RAB33A: variants seen among roughly 807,000 people sequenced by gnomAD.
The protein encoded by RAB33A is ras-related protein Rab-33A.
Under a neutral mutation model 12.0 loss-of-function variants are expected in RAB33A, and 6 were observed. The observed-to-expected ratio is 0.50, with a 90% CI of 0.27 to 0.99. The LOEUF is 0.99. Among genes scored for constraint, RAB33A ranks in the 50% least tolerant of loss-of-function variants. RAB33A has a pLI of 0.11. For missense variants in RAB33A, 109 were observed against 192.0 expected, an observed-to-expected ratio of 0.57 and a Z score of 2.55; for synonymous variants, 70 against 82.4, an observed-to-expected ratio of 0.85 and a Z score of 0.81.
the RAB33A span, among the ~76,000 whole-genome samples, chrX:130,151,430 C>T: frequency 9.0e-6 from 1 of 111,242 alleles, no homozygotes; most frequent in African/African-American, 3.3e-5. Context: ...TGAGCCACCA[C>T]ACCCGGCCCC....
At chrX:130,124,595 G>C in the RAB33A span, among the ~76,000 whole-genome samples, 2 of 112,087 alleles carry the variant, frequency 1.8e-5, no homozygotes, top group Non-Finnish European at 1.9e-5. Context: ...GCCTGATAGT[G>C]GTCCTCCAGA....
At chrX:130,123,596 C>T in the RAB33A span, among the ~76,000 whole-genome samples, 190 of 102,507 alleles carry the variant, frequency 1.9e-3, no homozygotes, top group Non-Finnish European at 3.2e-3. Context: ...ATTCGGGAGG[C>T]TGAGGCAGGA....
the RAB33A span, among the ~76,000 whole-genome samples, chrX:130,132,948 T>C: frequency 2.7e-5 from 3 of 110,743 alleles, no homozygotes; most frequent in East Asian, 8.5e-4. Flanking sequence ...GGTTTCACCA[T>C]GTTGGTCAGG....
the RAB33A span, among the ~76,000 whole-genome samples, chrX:130,157,150 T>C: frequency 8.9e-6 from 1 of 111,811 alleles, no homozygotes; most frequent in Non-Finnish European, 1.9e-5. Flanking sequence ...AATGAGTTTC[T>C]CTCCCCCAAA....
At chrX:130,158,740 A>C in the RAB33A span, among the ~76,000 whole-genome samples, 1 of 108,914 alleles carries the variant, frequency 9.2e-6, no homozygotes, top group African/African-American at 3.4e-5. Flanking sequence ...AAATCGCAAA[A>C]AAATCTCATA....
chrX:130,134,398 T>G, the RAB33A span, among the ~76,000 whole-genome samples: 1 of 111,494 alleles, frequency 9.0e-6, no homozygotes, highest in East Asian at 2.8e-4. Flanking sequence ...GAAACCAGTT[T>G]TTGGATGTGA....
At chrX:130,139,973 C>T in the RAB33A span, 6 of 712,862 alleles carry the variant, frequency 8.4e-6, no homozygotes, top group Non-Finnish European at 1.3e-5. Context: ...CACTTAGCAC[C>T]ATGGCGGCAA....
At chrX:130,115,653 GAA>G in the RAB33A span, among the ~76,000 whole-genome samples, 34 of 89,822 alleles carry the variant, frequency 3.8e-4, no homozygotes, top group East Asian at 4.1e-3. Flanking sequence ...CAAAAAGAAA[GAA>G]AGAGAGAAAG....
chrX:130,150,448 G>A, the RAB33A span, among the ~76,000 whole-genome samples: 1 of 94,820 alleles, frequency 1.1e-5, no homozygotes, highest in Non-Finnish European at 2.1e-5. Flanking sequence ...CCATTCTCCT[G>A]CCTCAGCCTC....
intron 1 of RAB33A, among the ~76,000 whole-genome samples, chrX:130,174,191 A>G (rs1019479756): frequency 1.3e-4 from 15 of 112,589 alleles, no homozygotes; most frequent in Non-Finnish European, 2.4e-4. Flanking sequence ...TTTTTCCCAG[A>G]GGGCAGAGCC....
At chrX:130,143,826 G>A in the RAB33A span, among the ~76,000 whole-genome samples, 1 of 109,596 alleles carries the variant, frequency 9.1e-6, no homozygotes, top group African/African-American at 3.3e-5. Flanking sequence ...CAGCCTGGGC[G>A]ACAGAGTGAG....
the RAB33A span, chrX:130,129,455 C>T: frequency 5.8e-4 from 372 of 646,211 alleles, no homozygotes; most frequent in Non-Finnish European, 8.6e-4. Context: ...TGATCATTCA[C>T]ACTCATACAC....
chrX:130,128,147 T>G, the RAB33A span, among the ~76,000 whole-genome samples: 1 of 111,884 alleles, frequency 8.9e-6, no homozygotes, highest in East Asian at 2.8e-4. Flanking sequence ...GGGATTTGGT[T>G]GAAGCTGAAA....
At chrX:130,162,298 G>C in the RAB33A span, among the ~76,000 whole-genome samples, 1 of 111,821 alleles carries the variant, frequency 8.9e-6, no homozygotes. Context: ...CAAAACAGAA[G>C]GGGAAGAGTC....
the RAB33A span, among the ~76,000 whole-genome samples, chrX:130,142,010 T>C: frequency 4.5e-5 from 5 of 111,887 alleles, no homozygotes; most frequent in African/African-American, 1.6e-4. Context: ...AGCTTGAGCT[T>C]TGGAGTCAGA....
chrX:130,111,072 C>T, the RAB33A span, among the ~76,000 whole-genome samples: 1 of 106,734 alleles, frequency 9.4e-6, no homozygotes, highest in Non-Finnish European at 2.0e-5. Flanking sequence ...CGCCCCGGCC[C>T]GCCCGCCGCG....
At chrX:130,116,951 C>T in the RAB33A span, among the ~76,000 whole-genome samples, 3 of 112,278 alleles carry the variant, frequency 2.7e-5, no homozygotes, top group African/African-American at 6.5e-5. Flanking sequence ...CTGTGGCTCA[C>T]GCCTGTAATC....
At chrX:130,156,725 T>C in the RAB33A span, 340,670 of 784,794 alleles carry the variant, frequency 0.43, 53,861 homozygotes, top group African/African-American at 0.68. Context: ...CGTTAAATGA[T>C]CAAGAAAAAT....
chrX:130,184,768 T>C lies in RAB33A; in HGVS notation c.*28T>C. ...CCAAACGATATAAATACAAGATAAA[T>C]TATCACTGGAGTTTTTTCTTTCCCT... On this transcript the variant is annotated 3_prime_UTR_variant, in exon 2 of 2. Coordinates refer to ENST00000257017, the MANE Select transcript of RAB33A (RefSeq NM_004794.3). 8.6e-7 allele frequency: 1 copy of C among 1,164,103 alleles called. No individual in the cohort carries two copies. Among genetic ancestry groups the C allele is most frequent in the Admixed American group, 2.3e-5 (1 of 43,128 alleles).
Sources: allele counts gnomAD v4.1 joint callset (sites outside exome capture counted in the v4.1 genomes callset), GRCh38; gene constraint gnomAD v4.1.1; transcripts MANE v1.5; gene names NCBI Gene and HGNC (gene_info 2026-07-23, HGNC 2026-07-21).